Variants in SUCLG2 observed in about 807,000 individuals in gnomAD.
SUCLG2 encodes the protein succinate--CoA ligase [GDP-forming] subunit beta, mitochondrial.
In SUCLG2, 42 loss-of-function variants were observed where a neutral mutation model predicts 47.9. That is an observed-to-expected ratio of 0.88 (90% confidence interval 0.69 to 1.14). The LOEUF (loss-of-function observed/expected upper bound fraction) is 1.14. Ranked by LOEUF, SUCLG2 falls within the 50% of genes most tolerant of loss-of-function variation. The probability of loss-of-function intolerance (pLI) is 0.00; values close to 1 mark genes in which losing one functional copy is unlikely to be tolerated. For synonymous variants in SUCLG2, 195 were observed against 197.3 expected (o/e 0.99, Z 0.10); for missense variants, 571 against 525.9 (o/e 1.09, Z -0.84).
chr3:67,540,740 G>A (rs569943679), intron 2 of SUCLG2, among the ~76,000 whole-genome samples: 77 of 152,294 alleles, frequency 5.1e-4, no homozygotes, highest in African/African-American at 1.8e-3. Flanking sequence ...TGATCCCTGT[G>A]CCCCCTTACT....
chr3:67,389,408 C>T (rs1480552306), intron 10 of SUCLG2, among the ~76,000 whole-genome samples: 1 of 152,082 alleles, frequency 6.6e-6, no homozygotes, highest in Non-Finnish European at 1.5e-5. Context: ...AAGTTATGGT[C>T]ATTTTAAAGG....
intron 10 of SUCLG2, among the ~76,000 whole-genome samples, chr3:67,398,977 C>T (rs13092026): frequency 0.023 from 3,232 of 138,026 alleles, 65 homozygotes; most frequent in Non-Finnish European, 0.033. Context: ...ACAATCAGAA[C>T]ACATGGACAC....
chr3:67,641,958 G>A (rs984013152), intron 1 of SUCLG2, among the ~76,000 whole-genome samples: 18 of 152,092 alleles, frequency 1.2e-4, no homozygotes, highest in Non-Finnish European at 1.5e-4. Context: ...TTTCTCCCTG[G>A]GCGTGTGTGC....
Position 67,495,840 on chromosome 3 carries a change from A to G in SUCLG2, c.1020T>C (p.Ala340=). The G allele has an allele frequency of 1.2e-6, 2 of 1,614,010 alleles. No homozygotes were observed. Among genetic ancestry groups the G allele is most frequent in the Non-Finnish European group, 1.7e-6 (2 of 1,179,974 alleles). The part of the protein sequence containing the change: ...FLDLGGGVKE[A]QVYQAFKLLT... ...GCAATTTGAATGCTTGATATACTTG[A>G]GCTTCCTTTACACCACCTCCAAGAT... The change falls in exon 9 of 11, where the codon GCT becomes GCC. Residue 340 remains alanine (A), a synonymous_variant. Transcript: ENST00000307227.
At chr3:67,493,710 G>A (rs552182719) in intron 9 of SUCLG2, among the ~76,000 whole-genome samples, 23 of 152,174 alleles carry the variant, frequency 1.5e-4, no homozygotes, top group African/African-American at 5.5e-4. Flanking sequence ...TCTGGGTACT[G>A]TGTGGTTCAA....
chr3:67,634,671 G>A (rs1700978849), intron 1 of SUCLG2, among the ~76,000 whole-genome samples: 1 of 152,074 alleles, frequency 6.6e-6, no homozygotes, highest in Non-Finnish European at 1.5e-5. Flanking sequence ...TTAACTAAAG[G>A]TTCATTCAAT....
chr3:67,391,794 C>CAGTT (rs1702389369), intron 10 of SUCLG2, among the ~76,000 whole-genome samples: 1 of 152,142 alleles, frequency 6.6e-6, no homozygotes, highest in Non-Finnish European at 1.5e-5. Flanking sequence ...GATGATGTCC[C>CAGTT]CTGGCCTCTT....
intron 10 of SUCLG2, among the ~76,000 whole-genome samples, chr3:67,361,033 G>A (rs1334539102): frequency 2.0e-5 from 3 of 152,086 alleles, no homozygotes; most frequent in Non-Finnish European, 2.9e-5. Context: ...AGTGTCCTAC[G>A]TCCAGATAGA....
At chr3:67,512,172 T>C (rs1381586740) in intron 6 of SUCLG2, among the ~76,000 whole-genome samples, 1 of 151,236 alleles carries the variant, frequency 6.6e-6, no homozygotes. Context: ...AATTTCACAA[T>C]AATGTCACTC....
chr3:67,384,656 G>A (rs1702224285), intron 10 of SUCLG2, among the ~76,000 whole-genome samples: 1 of 152,150 alleles, frequency 6.6e-6, no homozygotes, highest in Admixed American at 6.5e-5. Flanking sequence ...CTTCTGACTT[G>A]ATATAGTGGT....
intron 2 of SUCLG2, among the ~76,000 whole-genome samples, chr3:67,544,663 A>T (rs1706816023): frequency 6.6e-6 from 1 of 152,232 alleles, no homozygotes; most frequent in South Asian, 2.1e-4. Flanking sequence ...GAGCTGTGAG[A>T]CTTCTAGGAA....
intron 2 of SUCLG2, among the ~76,000 whole-genome samples, chr3:67,602,564 G>T (rs1332506340): frequency 6.6e-6 from 1 of 151,978 alleles, no homozygotes; most frequent in Non-Finnish European, 1.5e-5. Context: ...TTAGGAAGAA[G>T]AAAAAAGAAC....
intron 1 of SUCLG2, among the ~76,000 whole-genome samples, chr3:67,612,124 G>A (rs949810452): frequency 1.3e-5 from 2 of 152,114 alleles, no homozygotes; most frequent in East Asian, 1.9e-4. Flanking sequence ...CTTGAGAGGC[G>A]GAGGCAGGAG....
intron 2 of SUCLG2, among the ~76,000 whole-genome samples, chr3:67,600,053 T>C (rs1708383827): frequency 6.6e-6 from 1 of 152,228 alleles, no homozygotes; most frequent in Non-Finnish European, 1.5e-5. Context: ...ATATGTAATA[T>C]TTATTCTGTT....
intron 2 of SUCLG2, among the ~76,000 whole-genome samples, chr3:67,564,107 T>G (rs1707390233): frequency 6.6e-6 from 1 of 152,216 alleles, no homozygotes; most frequent in Non-Finnish European, 1.5e-5. Context: ...TAATTTTTCC[T>G]ACTAGAAAAA....
intron 9 of SUCLG2, among the ~76,000 whole-genome samples, chr3:67,438,120 A>G (rs935630447): frequency 2.0e-5 from 3 of 152,198 alleles, no homozygotes; most frequent in African/African-American, 7.2e-5. Context: ...CAACCTGTTC[A>G]TAAATGACTA....
At chr3:67,381,123 G>C (rs550102711) in intron 10 of SUCLG2, among the ~76,000 whole-genome samples, 1 of 152,020 alleles carries the variant, frequency 6.6e-6, no homozygotes, top group Non-Finnish European at 1.5e-5. Context: ...GCTGCAGTGA[G>C]CTGTGATTGC....
At chr3:67,570,329 C>G (rs866603589) in intron 2 of SUCLG2, among the ~76,000 whole-genome samples, 5 of 152,224 alleles carry the variant, frequency 3.3e-5, no homozygotes, top group Admixed American at 2.0e-4. Context: ...CCTGTGGCAA[C>G]GTACCACACT....
intron 2 of SUCLG2, among the ~76,000 whole-genome samples, chr3:67,593,045 A>T (rs1708208889): frequency 6.6e-6 from 1 of 152,208 alleles, no homozygotes; most frequent in African/African-American, 2.4e-5. Context: ...CATTCTTCTG[A>T]TACAATTTGT....
Sources: gnomAD v4.1 joint callset for allele counts (sites outside exome capture counted in the v4.1 genomes callset) on GRCh38, gnomAD v4.1.1 for gene constraint, MANE v1.5 for transcripts, NCBI Gene and HGNC (gene_info 2026-07-23, HGNC 2026-07-21) for gene names.